The following ARHGAP42 variants were observed in gnomAD, a reference collection of about 807,000 sequenced individuals.
ARHGAP42 encodes Rho GTPase activating protein 42, also known as rho GTPase-activating protein 42.
ARHGAP42 carries 63 observed loss-of-function variants against 125.0 expected under a neutral mutation model. The ratio of observed to expected loss-of-function variants is 0.50; its 90% confidence interval spans 0.41 to 0.62. The LOEUF (loss-of-function observed/expected upper bound fraction) is 0.62, where lower values mean the gene tolerates loss of function less well. Ranked by LOEUF, ARHGAP42 falls within the 20% of genes least tolerant of loss-of-function variation. The pLI, the probability that ARHGAP42 is intolerant of heterozygous loss-of-function variation, is 0.00. For synonymous variants in ARHGAP42, 339 were observed against 351.0 expected, an observed-to-expected ratio of 0.97 and a Z score of 0.38; for missense variants, 766 against 1,024.2, an observed-to-expected ratio of 0.75 and a Z score of 3.44.
chr11:100,713,283 T>C (rs773627950), intron 1 of ARHGAP42, among the ~76,000 whole-genome samples: 1 of 152,194 alleles, frequency 6.6e-6, no homozygotes, highest in Admixed American at 6.5e-5. Flanking sequence ...TATGTCCTTA[T>C]TGTCTTTGAA....
intron 6 of ARHGAP42, 69 bp from the exon 7 acceptor site, chr11:100,933,087 C>T: frequency 9.4e-7 from 1 of 1,059,074 alleles, no homozygotes; most frequent in South Asian, 1.6e-5. Context: ...TAATTTTCTC[C>T]CTATTTTATA....
chr11:100,911,955 A>G (rs938215840), intron 4 of ARHGAP42, among the ~76,000 whole-genome samples: 1 of 152,144 alleles, frequency 6.6e-6, no homozygotes, highest in African/African-American at 2.4e-5. Flanking sequence ...GCATCTCAGT[A>G]CTTCTTACAT....
Position 100,991,764 on chromosome 11 carries a change from T to A in ARHGAP42, c.*2963T>A, listed in dbSNP as rs1394484366. 6.6e-6 allele frequency: 1 copy of A among 152,562 alleles called. No individual in the cohort carries two copies. Among genetic ancestry groups the A allele is most frequent in the Non-Finnish European group, 1.5e-5 (1 of 68,336 alleles). 9.5% of individuals were successfully genotyped at this position (152,562 alleles called of 1,614,324 possible). Reference sequence around the variant, plus strand: ...TTTCTCCTTGTTTGATGTGAGTGGTTTTGCTTGTTGCATGGGTTCCCTGTG... The same window carrying A: ...TTTCTCCTTGTTTGATGTGAGTGGTATTGCTTGTTGCATGGGTTCCCTGTG... On this transcript the variant is annotated 3_prime_UTR_variant, in exon 24 of 24. Coordinates refer to ENST00000298815, the MANE Select transcript of ARHGAP42 (RefSeq NM_152432.4).
At chr11:100,766,593 AT>A (rs1168666819) in intron 1 of ARHGAP42, among the ~76,000 whole-genome samples, 3 of 152,200 alleles carry the variant, frequency 2.0e-5, no homozygotes, top group Non-Finnish European at 4.4e-5. Context: ...TTTTAAATTA[AT>A]GGAAGATATT....
At chr11:100,831,127 C>G (rs192268812) in intron 3 of ARHGAP42, among the ~76,000 whole-genome samples, 1 of 152,232 alleles carries the variant, frequency 6.6e-6, no homozygotes, top group African/African-American at 2.4e-5. Context: ...ATCACGTGAG[C>G]TTGGGCATAT....
At chr11:100,926,064 T>C (rs1048630219) in intron 6 of ARHGAP42, among the ~76,000 whole-genome samples, 11 of 152,200 alleles carry the variant, frequency 7.2e-5, no homozygotes, top group African/African-American at 1.2e-4. Flanking sequence ...AAGAATTTCA[T>C]GGTACATAAA....
intron 1 of ARHGAP42, among the ~76,000 whole-genome samples, chr11:100,724,435 AC>A (rs758597740): frequency 2.4e-4 from 36 of 152,082 alleles, no homozygotes; most frequent in Non-Finnish European, 4.4e-4. Context: ...TCCCAGTGAG[AC>A]TGTATGCACC....
At chr11:100,710,438 T>G (rs1256276899) in intron 1 of ARHGAP42, among the ~76,000 whole-genome samples, 1 of 151,098 alleles carries the variant, frequency 6.6e-6, no homozygotes, top group Non-Finnish European at 1.5e-5. Flanking sequence ...GGTTTCACCA[T>G]GTTGGTCAGG....
chr11:100,921,437 A>G, intron 5 of ARHGAP42, 57 bp from the exon 6 acceptor site: 1 of 1,243,042 alleles, frequency 8.0e-7, no homozygotes, highest in Non-Finnish European at 1.1e-6. Flanking sequence ...CAGAGCAGGA[A>G]TTGAGTCCCT....
rs185341306 is a variant in ARHGAP42 at position 100,857,122 on chromosome 11, A to G, written c.313-2432A>G. Among the ~76,000 whole-genome samples, 13 of 152,186 alleles carry G rather than the reference A, an allele frequency of 8.5e-5. No individual in the cohort carries two copies. In the East Asian group the frequency reaches 2.5e-3, roughly 29 times the overall value. On this transcript the variant is annotated intron_variant, in intron 3 of 23. Coordinates refer to ENST00000298815, the MANE Select transcript of ARHGAP42 (RefSeq NM_152432.4). ...CAAGAAATCATTTCTGTTCTTCTTTATCACAGTGTTGGATGTTTTCACACC... is the reference window on the plus strand; with the variant it reads ...CAAGAAATCATTTCTGTTCTTCTTTGTCACAGTGTTGGATGTTTTCACACC...
chr11:100,978,862 C>A (rs1212823578), intron 21 of ARHGAP42, 125 bp from the exon 22 acceptor site: 2 of 843,414 alleles, frequency 2.4e-6, no homozygotes, highest in Admixed American at 4.5e-5. Flanking sequence ...TTAAAATTCC[C>A]TTCTAATTTT....
intron 2 of ARHGAP42, among the ~76,000 whole-genome samples, chr11:100,779,528 G>GTATGTATA (rs1565210609): frequency 1.2e-5 from 1 of 86,276 alleles, no homozygotes; most frequent in African/African-American, 3.9e-5. Context: ...ACGTATACAT[G>GTATGTATA]CGTATATATA....
At chr11:100,901,562 G>T (rs1392831074) in intron 4 of ARHGAP42, among the ~76,000 whole-genome samples, 1 of 152,184 alleles carries the variant, frequency 6.6e-6, no homozygotes, top group East Asian at 1.9e-4. Flanking sequence ...TCTGCAGTGG[G>T]CTCTGCCCTG....
chr11:100,698,329 G>T (rs1244953484), intron 1 of ARHGAP42, among the ~76,000 whole-genome samples: 1 of 152,166 alleles, frequency 6.6e-6, no homozygotes, highest in Admixed American at 6.5e-5. Context: ...AAATTAGCTG[G>T]GTGTGGTGGT....
At chr11:100,772,938 G>A (rs547073559) in intron 2 of ARHGAP42, among the ~76,000 whole-genome samples, 9 of 152,314 alleles carry the variant, frequency 5.9e-5, no homozygotes, top group Non-Finnish European at 1.3e-4. Context: ...CTGGGTTTGA[G>A]TGATTCTCAT....
intron 3 of ARHGAP42, among the ~76,000 whole-genome samples, chr11:100,856,826 A>AC (rs1865332816): frequency 1.3e-5 from 2 of 152,112 alleles, no homozygotes; most frequent in Non-Finnish European, 2.9e-5. Context: ...AGAGCCTTCC[A>AC]TGTGCCAAAT....
At chr11:100,780,044 C>A (rs577889797) in intron 2 of ARHGAP42, among the ~76,000 whole-genome samples, 294 of 150,508 alleles carry the variant, frequency 2.0e-3, no homozygotes, top group Non-Finnish European at 3.6e-3. Flanking sequence ...AAAAAAAAAA[C>A]AAGTTTTAAA....
At chr11:100,962,604 C>T (rs996686775) in intron 16 of ARHGAP42, 137 bp downstream of exon 16, 4 of 754,408 alleles carry the variant, frequency 5.3e-6, no homozygotes, top group Non-Finnish European at 4.1e-6. Context: ...GGGCCGGGTG[C>T]GGTGGCTCAA....
intron 6 of ARHGAP42, among the ~76,000 whole-genome samples, chr11:100,922,583 G>A (rs1867309500): frequency 6.6e-6 from 1 of 152,052 alleles, no homozygotes; most frequent in African/African-American, 2.4e-5. Context: ...TTCTTCCTAT[G>A]TAAGTCCTTT....
Sources: gnomAD v4.1 joint callset for allele counts (sites outside exome capture counted in the v4.1 genomes callset) on GRCh38, gnomAD v4.1.1 for gene constraint, MANE v1.5 for transcripts, NCBI Gene and HGNC (gene_info 2026-07-23, HGNC 2026-07-21) for gene names.